HSPG2: variants seen among roughly 807,000 people sequenced by gnomAD.
HSPG2 encodes the protein heparan sulfate proteoglycan 2, also known as basement membrane-specific heparan sulfate proteoglycan core protein.
In HSPG2, 278 loss-of-function variants were observed where a neutral mutation model predicts 526.6. That is an observed-to-expected ratio of 0.53 (90% CI 0.48 to 0.58). The LOEUF (loss-of-function observed/expected upper bound fraction) is 0.58, where lower values mean the gene tolerates loss of function less well. Ranked by LOEUF, HSPG2 falls within the 20% of genes least tolerant of loss-of-function variation. The probability of loss-of-function intolerance (pLI) is 0.00; values close to 1 mark genes in which losing one functional copy is unlikely to be tolerated. For synonymous variants in HSPG2, 2,465 were observed against 2,555.4 expected, an observed-to-expected ratio of 0.96 and a Z score of 1.07; for missense variants, 5,354 against 6,099.5, an observed-to-expected ratio of 0.88 and a Z score of 4.07.
rs1557721203 is a variant in HSPG2 at position 21,853,766 on chromosome 1, TAAAATAA to T, written c.6439+420_6439+426del. ...TCTCTCTCAAAAAAATAAAATAAAA[TAAAATAA>T]AATAAAATAAAATAAAATAAAATAA... On this transcript the variant is annotated intron_variant, in intron 50 of 96. Transcript: ENST00000374695. The T allele has an allele frequency of 1.9e-5, 3 of 161,310 alleles. No individual in the cohort carries two copies. In the Admixed American group the frequency reaches 2.1e-4, roughly 11 times the overall value. 10.0% of individuals were successfully genotyped at this position (161,310 alleles called of 1,614,324 possible). A position where few individuals can be genotyped will look rare whatever the true frequency, so the allele number is the denominator to read the frequency against.
Position 21,830,005 on chromosome 1 carries a change from G to T in HSPG2, c.11758C>A (p.Arg3920=), listed in dbSNP as rs773306671. 7.5e-6 allele frequency: 12 copies of T among 1,608,388 alleles called. No homozygotes were observed. The African/African-American group carries it at 1.6e-4, about 21-fold the overall frequency. The part of the protein sequence containing the change: ...CRCHLGRSGL[R]CEEGVTVTTP... ...TGGCTCCCCTCACCTTCCTCACACC[G>T]CAACCCCGAGCGGCCCAGGTGGCAG... is the stretch of plus-strand genomic sequence containing the variant. The change falls in exon 86 of 97, where the codon CGG becomes AGG. Residue 3920 remains arginine, a synonymous_variant. Coordinates refer to ENST00000374695, the MANE Select transcript of HSPG2 (RefSeq NM_005529.7).
chr1:21,871,106 A>T (rs997093946), intron 33 of HSPG2, among the ~76,000 whole-genome samples: 1 of 152,014 alleles, frequency 6.6e-6, no homozygotes, highest in Non-Finnish European at 1.5e-5. Flanking sequence ...CTGCTCAAGA[A>T]CACATTTGGG....
Position 21,833,291 on chromosome 1 carries a change from G to A in HSPG2, c.11072C>T (p.Thr3691Ile), listed in dbSNP as rs149159881. 1,279 of 1,614,134 alleles carry A rather than the reference G, an allele frequency of 7.9e-4. 7 individuals carry two copies. Among genetic ancestry groups the A allele is most frequent in the Middle Eastern group, 5.1e-3 (31 of 6,062 alleles). ...ACCATCGGCTGAGTCGGGCCGGAAGGTGATCTTGATCTCGAACTTCCTGTA... is the reference window on the plus strand; with the variant it reads ...ACCATCGGCTGAGTCGGGCCGGAAGATGATCTTGATCTCGAACTTCCTGTA... ...DAYRKFEIKITFRPDSADGML... is the reference protein window; with the variant it reads ...DAYRKFEIKIIFRPDSADGML... Residue 3691 changes from threonine (T) to isoleucine (I), a missense_variant, in exon 80 of 97, where the codon ACC becomes ATC. Physicochemically the swap from Thr to Ile is moderately conservative, Grantham distance 89. Transcript: ENST00000374695.
At chr1:21,908,941 T>C (rs1043584258) in intron 1 of HSPG2, among the ~76,000 whole-genome samples, 2 of 152,168 alleles carry the variant, frequency 1.3e-5, no homozygotes, top group Admixed American at 1.3e-4. Flanking sequence ...ACCCCGTCTC[T>C]ACTAAAAAAT....
chr1:21,872,766 T>C lies in HSPG2; in HGVS notation c.3889-6A>G, dbSNP rs1274736602. On this transcript the variant is annotated splice_polypyrimidine_tract_variant and splice_region_variant and intron_variant, in intron 31 of 96. Transcript: ENST00000374695. The surrounding 1 kb of genome is among the most constrained non-coding windows in gnomAD (Gnocchi z 5.5). Reference sequence around the variant, plus strand: ...GTGAGGCCTTCCACCTGGGCCTGGGTAGACGGATGGAAGGAGGCAGGCAGG... The same window carrying C: ...GTGAGGCCTTCCACCTGGGCCTGGGCAGACGGATGGAAGGAGGCAGGCAGG... 1 of 1,607,366 alleles carries C rather than the reference T, an allele frequency of 6.2e-7. No homozygotes were observed. Among genetic ancestry groups the C allele is most frequent in the Non-Finnish European group, 8.5e-7 (1 of 1,177,818 alleles).
intron 1 of HSPG2, among the ~76,000 whole-genome samples, chr1:21,906,561 G>A (rs532228646): frequency 4.6e-5 from 7 of 152,270 alleles, no homozygotes; most frequent in East Asian, 1.9e-4. Flanking sequence ...AGGGGTCCTC[G>A]TCCTGAAGCG....
intron 1 of HSPG2, among the ~76,000 whole-genome samples, chr1:21,913,122 G>C (rs1274424828): frequency 6.6e-6 from 1 of 152,178 alleles, no homozygotes; most frequent in East Asian, 1.9e-4. Flanking sequence ...CTAACAAAGG[G>C]TCATTTACCT....
chr1:21,857,790 GGC>G (rs1639458597), intron 42 of HSPG2, among the ~76,000 whole-genome samples: 1 of 152,106 alleles, frequency 6.6e-6, no homozygotes, highest in African/African-American at 2.4e-5. Flanking sequence ...CTTAGCTAGT[GGC>G]GCTGACACAC....
Position 21,852,214 on chromosome 1 carries a change from C to T in HSPG2, c.6744G>A (p.Arg2248=), listed in dbSNP as rs758854240. The T allele has an allele frequency of 6.2e-7, 1 of 1,614,082 alleles. No homozygotes were observed. Among genetic ancestry groups the T allele is most frequent in the East Asian group, 2.2e-5 (1 of 44,882 alleles). Residue 2248 remains arginine (R), a synonymous_variant, in exon 53 of 97, where the codon AGG becomes AGA. Transcript: ENST00000374695. ...SVIPGPIPPV[R]IESSSSTVAE... is the part of the protein sequence containing the mutation. ...CCACTGTGGAGGATGAAGACTCGAT[C>T]CTGACAGGTGGGATGGGTCCTGCAG...
intron 71 of HSPG2, 54 bp downstream of exon 71, chr1:21,841,047 C>T (rs942421976): frequency 1.3e-6 from 2 of 1,532,906 alleles, no homozygotes; most frequent in African/African-American, 2.7e-5. Context: ...AGCACCCGCT[C>T]AAGGCTGGGC....
At chr1:21,926,994 G>A (rs907220133) in intron 1 of HSPG2, among the ~76,000 whole-genome samples, 32 of 152,106 alleles carry the variant, frequency 2.1e-4, no homozygotes, top group African/African-American at 7.5e-4. Flanking sequence ...GGTGGGGGCC[G>A]GAGCCGGCTT....
At chr1:21,925,769 A>G (rs4654773) in intron 1 of HSPG2, among the ~76,000 whole-genome samples, 101,848 of 152,052 alleles carry the variant, frequency 0.67, 38,752 homozygotes, top group Non-Finnish European at 0.86. Context: ...GGACCCACTG[A>G]GGAAAACAAT....
At chr1:21,855,031 G>A (rs1166219263) in intron 47 of HSPG2, 48 bp from the exon 48 acceptor site, 8 of 1,602,348 alleles carry the variant, frequency 5.0e-6, no homozygotes, top group Admixed American at 1.7e-5. Flanking sequence ...GCTGGACAAC[G>A]GCTGGCCAGG....
chr1:21,880,333 T>C, intron 16 of HSPG2, 30 bp downstream of exon 16: 1 of 1,613,968 alleles, frequency 6.2e-7, no homozygotes, highest in South Asian at 1.1e-5. Context: ...CTAGGGTCTC[T>C]GTGGTTCCCA....
At chr1:21,915,561 T>G (rs941634164) in intron 1 of HSPG2, among the ~76,000 whole-genome samples, 1 of 151,832 alleles carries the variant, frequency 6.6e-6, no homozygotes, top group Non-Finnish European at 1.5e-5. Context: ...GAAGAACCAA[T>G]GAGAGCTGGA....
At position 21,887,369 on chromosome 1, in the gene HSPG2, C is replaced by T. The variant is rs368433994; in HGVS notation, c.959-35G>A. ...CGGGCAGGGGTCAGCAGCATCCTCC[C>T]GGGCCAGCTTCCTGCTCCCCGCACC... On this transcript the variant is annotated intron_variant, in intron 8 of 96. Transcript: ENST00000374695. This position sits in a 1 kb window ranked among gnomAD's most constrained non-coding sequence, Gnocchi z 5.0. 2.7e-5 allele frequency: 44 copies of T among 1,613,740 alleles called. No individual in the cohort carries two copies. The highest frequency in any genetic ancestry group is 6.7e-5 in the Admixed American group (4 of 59,998).
intron 1 of HSPG2, among the ~76,000 whole-genome samples, chr1:21,897,661 C>T (rs989382773): frequency 1.3e-5 from 2 of 152,154 alleles, no homozygotes; most frequent in African/African-American, 4.8e-5. Context: ...CACAAGACTA[C>T]AAACTATACG....
Position 21,841,092 on chromosome 1 carries a change from C to G in HSPG2, c.9513+9G>C. The G allele has an allele frequency of 6.3e-7, 1 of 1,590,182 alleles. No homozygotes were observed. The highest frequency in any genetic ancestry group is 8.6e-7 in the Non-Finnish European group (1 of 1,169,434). On this transcript the variant is annotated intron_variant, in intron 71 of 96. Coordinates refer to ENST00000374695, the MANE Select transcript of HSPG2 (RefSeq NM_005529.7). Reference sequence around the variant, plus strand: ...GGCCTCAGACCCAGAGAGGCAGCCCCGGCTTCACCTGCAGCACCGCGTGGC... The same window carrying G: ...GGCCTCAGACCCAGAGAGGCAGCCCGGGCTTCACCTGCAGCACCGCGTGGC...
At chr1:21,936,099 GC>G (rs1444735249) in intron 1 of HSPG2, among the ~76,000 whole-genome samples, 1 of 152,106 alleles carries the variant, frequency 6.6e-6, no homozygotes, top group Non-Finnish European at 1.5e-5. Flanking sequence ...TATGGGGACT[GC>G]CTAGGAGCAC....
Sources: gnomAD v4.1 joint callset for allele counts (sites outside exome capture counted in the v4.1 genomes callset) on GRCh38, gnomAD v4.1.1 for gene constraint, Gnocchi (gnomAD v3.1) non-coding constraint, MANE v1.5 for transcripts, NCBI Gene and HGNC (gene_info 2026-07-23, HGNC 2026-07-21) for gene names.